DACH2: variants seen among roughly 807,000 people sequenced by gnomAD.
The protein encoded by DACH2 is dachshund family transcription factor 2, also known as dachshund homolog 2.
DACH2 carries 17 observed loss-of-function variants against 35.8 expected under a neutral mutation model. That is an observed-to-expected ratio of 0.48 (90% CI 0.33 to 0.71). The LOEUF is 0.71. Among genes scored for constraint, DACH2 ranks in the 30% least tolerant of loss-of-function variants. The probability of loss-of-function intolerance (pLI) is 0.02; values close to 1 mark genes in which losing one functional copy is unlikely to be tolerated. For missense variants in DACH2, 469 were observed against 472.7 expected, an observed-to-expected ratio of 0.99 and a Z score of 0.07; for synonymous variants, 195 against 177.3, an observed-to-expected ratio of 1.10 and a Z score of -0.79.
chrX:86,603,205 C>T (rs188862678), intron 3 of DACH2, among the ~76,000 whole-genome samples: 65 of 110,389 alleles, frequency 5.9e-4, no homozygotes, highest in African/African-American at 2.0e-3. Flanking sequence ...TCATATTTTC[C>T]GTTCTTTCAG....
chrX:86,562,306 A>C (rs961518389), intron 3 of DACH2, among the ~76,000 whole-genome samples: 1 of 110,399 alleles, frequency 9.1e-6, no homozygotes, highest in Admixed American at 9.7e-5. Context: ...TTCCTTCTCA[A>C]TTTATCTGTG....
chrX:86,503,402 T>G (rs1299617150), intron 2 of DACH2, among the ~76,000 whole-genome samples: 1 of 112,573 alleles, frequency 8.9e-6, no homozygotes, highest in African/African-American at 3.2e-5. Context: ...AGGATTTGAA[T>G]CTAAAGTTAA....
chrX:86,581,577 G>T (rs1225997178), intron 3 of DACH2, among the ~76,000 whole-genome samples: 1 of 110,548 alleles, frequency 9.0e-6, no homozygotes, highest in Non-Finnish European at 1.9e-5. Context: ...AAAAACAGGG[G>T]TTGCTATTGT....
At chrX:86,443,889 A>C (rs977466771) in intron 2 of DACH2, among the ~76,000 whole-genome samples, 1 of 111,466 alleles carries the variant, frequency 9.0e-6, no homozygotes, top group Non-Finnish European at 1.9e-5. Flanking sequence ...GTGCTGTTAA[A>C]TTCACTTTGC....
At chrX:86,672,633 G>A (rs778447537) in intron 4 of DACH2, among the ~76,000 whole-genome samples, 1 of 112,348 alleles carries the variant, frequency 8.9e-6, no homozygotes, top group Non-Finnish European at 1.9e-5. Flanking sequence ...TGGGTGTGCA[G>A]AGGGCAAGAG....
chrX:86,403,102 T>C (rs1230784155), intron 2 of DACH2, among the ~76,000 whole-genome samples: 1 of 112,232 alleles, frequency 8.9e-6, no homozygotes, highest in Non-Finnish European at 1.9e-5. Context: ...TCCTAGGAAA[T>C]ACATTTCTTA....
chrX:86,752,077 G>C (rs189427159), intron 7 of DACH2, among the ~76,000 whole-genome samples: 6 of 111,207 alleles, frequency 5.4e-5, no homozygotes, highest in Non-Finnish European at 1.1e-4. Flanking sequence ...GGGACAGGGG[G>C]TGGGCAGAAG....
At chrX:86,553,070 C>T (rs545308330) in intron 3 of DACH2, among the ~76,000 whole-genome samples, 1 of 110,899 alleles carries the variant, frequency 9.0e-6, no homozygotes, top group African/African-American at 3.3e-5. Context: ...TTGACTCACA[C>T]AATCACGAGG....
intron 11 of DACH2, among the ~76,000 whole-genome samples, chrX:86,825,212 T>A (rs996682212): frequency 9.0e-6 from 1 of 111,037 alleles, no homozygotes; most frequent in African/African-American, 3.3e-5. Flanking sequence ...GTATGGAGTT[T>A]GAGACCAGCC....
At chrX:86,361,778 A>G (rs1317078009) in intron 1 of DACH2, among the ~76,000 whole-genome samples, 1 of 111,619 alleles carries the variant, frequency 9.0e-6, no homozygotes, top group African/African-American at 3.2e-5. Context: ...AAATATTTCG[A>G]AATGAAAATT....
intron 2 of DACH2, among the ~76,000 whole-genome samples, chrX:86,452,588 C>G (rs1268336656): frequency 9.0e-6 from 1 of 111,281 alleles, no homozygotes; most frequent in Non-Finnish European, 1.9e-5. Flanking sequence ...TTCATTTCAT[C>G]TACATTTTCT....
At chrX:86,584,691 G>T in intron 3 of DACH2, among the ~76,000 whole-genome samples, 1 of 110,864 alleles carries the variant, frequency 9.0e-6, no homozygotes. Context: ...CATAACGGGT[G>T]TATAGTTTAA....
intron 2 of DACH2, among the ~76,000 whole-genome samples, chrX:86,380,748 C>T (rs984361470): frequency 3.6e-5 from 4 of 110,186 alleles, no homozygotes; most frequent in African/African-American, 1.3e-4. Flanking sequence ...CAGTGTGTAT[C>T]ATTGCTGTGT....
At chrX:86,252,500 A>G (rs944392772) in intron 1 of DACH2, among the ~76,000 whole-genome samples, 1 of 111,095 alleles carries the variant, frequency 9.0e-6, no homozygotes, top group African/African-American at 3.3e-5. Flanking sequence ...TTCTTGATCG[A>G]TCTTGAGTTG....
At chrX:86,265,717 A>G (rs1198782543) in intron 1 of DACH2, among the ~76,000 whole-genome samples, 1 of 111,859 alleles carries the variant, frequency 8.9e-6, no homozygotes, top group Non-Finnish European at 1.9e-5. Context: ...ACAGGAAAAA[A>G]GAGATATATT....
intron 1 of DACH2, among the ~76,000 whole-genome samples, chrX:86,236,430 G>A (rs1345157856): frequency 8.9e-6 from 1 of 112,312 alleles, no homozygotes; most frequent in East Asian, 2.8e-4. Context: ...TTAATATACA[G>A]TCATGCATCA....
intron 1 of DACH2, among the ~76,000 whole-genome samples, chrX:86,186,668 C>G (rs2147888240): frequency 9.0e-6 from 1 of 111,464 alleles, no homozygotes; most frequent in South Asian, 3.8e-4. Flanking sequence ...ATGCAAAATG[C>G]TGTGAATTCA....
chrX:86,538,375 T>C (rs1157808672), intron 3 of DACH2, among the ~76,000 whole-genome samples: 2 of 111,909 alleles, frequency 1.8e-5, no homozygotes, highest in Non-Finnish European at 3.8e-5. Context: ...ACCTCCAAAT[T>C]ATTCCAGCCT....
intron 3 of DACH2, among the ~76,000 whole-genome samples, chrX:86,581,070 TG>T (rs2039495219): frequency 1.8e-5 from 2 of 111,594 alleles, no homozygotes; most frequent in Admixed American, 1.9e-4. Flanking sequence ...CAGAAGCGAA[TG>T]GGGGCTTATA....
Sources: gnomAD v4.1 joint callset for allele counts (sites outside exome capture counted in the v4.1 genomes callset) on GRCh38, gnomAD v4.1.1 for gene constraint, MANE v1.5 for transcripts, NCBI Gene and HGNC (gene_info 2026-07-23, HGNC 2026-07-21) for gene names.